ZNF19: variants seen among roughly 807,000 people sequenced by gnomAD.
The protein encoded by ZNF19 is zinc finger protein 19, also known as zinc finger protein 19 (KOX 12).
ZNF19 carries 11 observed loss-of-function variants against 13.1 expected under a neutral mutation model. The observed-to-expected ratio is 0.84, with a 90% confidence interval of 0.53 to 1.39. The LOEUF (loss-of-function observed/expected upper bound fraction) is 1.39. Ranked by LOEUF, ZNF19 falls within the 40% of genes most tolerant of loss-of-function variation. ZNF19 has a pLI of 0.00. For synonymous variants in ZNF19, 186 were observed against 187.0 expected, an observed-to-expected ratio of 0.99 and a Z score of 0.04; for missense variants, 560 against 547.0, an observed-to-expected ratio of 1.02 and a Z score of -0.24.
intron 3 of ZNF19, among the ~76,000 whole-genome samples, chr16:71,479,825 GCT>G (rs2043626574): frequency 6.7e-6 from 1 of 149,844 alleles, no homozygotes; most frequent in South Asian, 2.1e-4. Flanking sequence ...ACAGTGTCTT[GCT>G]CTGTCACCCA....
intron 3 of ZNF19, among the ~76,000 whole-genome samples, chr16:71,480,114 A>G (rs537411367): frequency 6.8e-4 from 103 of 151,824 alleles, no homozygotes; most frequent in Non-Finnish European, 1.1e-3. Flanking sequence ...TTCAACAGAC[A>G]CCCTTCTCCC....
rs1057012416 is a variant in ZNF19 at position 71,474,977 on chromosome 16, G to A, written c.*193C>T. The A allele has an allele frequency of 2.3e-5, 15 of 661,328 alleles. No individual in the cohort carries two copies. The highest frequency in any genetic ancestry group is 3.0e-5 in the Non-Finnish European group (12 of 404,996). 41.0% of individuals were successfully genotyped at this position (661,328 alleles called of 1,614,324 possible). On this transcript the variant is annotated 3_prime_UTR_variant, in exon 6 of 6. Transcript: ENST00000288177. ...CATTAAAACCAATGGGGGTGGGCGGGGGGAGAGTATTTGTTCCTATTAGCT... is the reference window on the plus strand; with the variant it reads ...CATTAAAACCAATGGGGGTGGGCGGAGGGAGAGTATTTGTTCCTATTAGCT...
At chr16:71,485,324 C>T (rs2043669973) in intron 1 of ZNF19, among the ~76,000 whole-genome samples, 1 of 151,992 alleles carries the variant, frequency 6.6e-6, no homozygotes, top group South Asian at 2.1e-4. Context: ...ATGGCGGGCA[C>T]CTGTAATCCC....
chr16:71,476,481 G>A (rs965802514), intron 5 of ZNF19, among the ~76,000 whole-genome samples: 7 of 152,198 alleles, frequency 4.6e-5, no homozygotes, highest in Admixed American at 1.3e-4. Flanking sequence ...CACAACACAC[G>A]AGACTGCTTC....
At chr16:71,480,838 T>C (rs943913055) in intron 3 of ZNF19, among the ~76,000 whole-genome samples, 16 of 152,344 alleles carry the variant, frequency 1.1e-4, no homozygotes, top group African/African-American at 3.6e-4. Context: ...GAGAAGTCCA[T>C]ACTTCAGTGA....
chr16:71,487,197 G>A (rs1427519931), intron 1 of ZNF19: 1 of 152,168 alleles, frequency 6.6e-6, no homozygotes, highest in Non-Finnish European at 1.5e-5. Flanking sequence ...GGAGGAACAT[G>A]GTGGAAGGTG....
intron 1 of ZNF19, among the ~76,000 whole-genome samples, chr16:71,485,929 GT>G (rs2043675237): frequency 6.6e-6 from 1 of 152,118 alleles, no homozygotes; most frequent in African/African-American, 2.4e-5. Context: ...GCAGAATGGT[GT>G]TTTGTTCCCC....
In ZNF19 at chr16:71,475,009, A is replaced by G. The variant is rs1224399935; in HGVS notation, c.*161T>C. 1 of 895,132 alleles carries G rather than the reference A, an allele frequency of 1.1e-6. No individual in the cohort carries two copies. Among genetic ancestry groups the G allele is most frequent in the Middle Eastern group, 3.0e-4 (1 of 3,346 alleles). The allele number at this position is 895,132 out of a possible 1,614,324, so 55.4% of individuals were successfully genotyped here. On this transcript the variant is annotated 3_prime_UTR_variant, in exon 6 of 6. Transcript: ENST00000288177. ...GTATTTGTTCCTATTAGCTCTTGCA[A>G]TCCTGGGACTCTAATTGAACCATCT...
chr16:71,481,624 C>A (rs2043637508), intron 3 of ZNF19, among the ~76,000 whole-genome samples: 1 of 152,186 alleles, frequency 6.6e-6, no homozygotes. Flanking sequence ...TTTCCTGATT[C>A]TGAAGCCCAA....
In ZNF19 at chr16:71,479,443, CAT is replaced by C. The variant is rs374487611; in HGVS notation, c.34-440_34-439del. On this transcript the variant is annotated intron_variant, in intron 3 of 5. Transcript: ENST00000288177. ...TCTCAGCCAATCTATCTGTTCCCCACATGTGTTCACCCTGCCCCAAACCTTAT... is the reference window on the plus strand; with the variant it reads ...TCTCAGCCAATCTATCTGTTCCCCACGTGTTCACCCTGCCCCAAACCTTAT... 3.9e-3 allele frequency among the ~76,000 whole-genome samples: 588 copies of C among 152,316 alleles called. 5 individuals carry two copies. Among genetic ancestry groups the C allele is most frequent in the African/African-American group, 0.013 (560 of 41,562 alleles).
chr16:71,478,330 G>A lies in ZNF19; in HGVS notation c.172C>T (p.Pro58Ser), dbSNP rs2043615133. Residue 58 changes from proline to serine, a missense_variant, in exon 5 of 6, where the codon CCC becomes TCC. Physicochemically the swap from Pro to Ser is moderately conservative, Grantham distance 74. Transcript: ENST00000288177. ...AAAAGTGAGATCAGTGCAGGTTTGGGAACTGGGTACCCTGAAAACAGGAAG... is the reference window on the plus strand; with the variant it reads ...AAAAGTGAGATCAGTGCAGGTTTGGAAACTGGGTACCCTGAAAACAGGAAG... ...GNLTALGYPVPKPALISLLER... is the reference protein window; with the variant it reads ...GNLTALGYPVSKPALISLLER... The A allele has an allele frequency of 6.2e-7, 1 of 1,613,222 alleles. No individual in the cohort carries two copies. The highest frequency in any genetic ancestry group is 8.5e-7 in the Non-Finnish European group (1 of 1,179,482).
chr16:71,485,496 A>C (rs990470408), intron 1 of ZNF19, among the ~76,000 whole-genome samples: 1 of 151,850 alleles, frequency 6.6e-6, no homozygotes, highest in South Asian at 2.1e-4. Context: ...AAAAGAAAGA[A>C]AGACCAGGTC....
chr16:71,474,840 T>C lies in ZNF19; in HGVS notation c.*330A>G, dbSNP rs1029252970. The C allele has an allele frequency of 4.7e-5, 12 of 255,630 alleles. No homozygotes were observed. Among genetic ancestry groups the C allele is most frequent in the Non-Finnish European group, 8.9e-5 (12 of 134,490 alleles). The allele number at this position is 255,630 out of a possible 1,614,324, so 15.8% of individuals were successfully genotyped here. A position where few individuals can be genotyped will look rare whatever the true frequency, so the allele number is the denominator to read the frequency against. ...TATTTTTAGCTTCAGGCATGGTGTA[T>C]GTGGCTGTTCAAACATTATCTTCAG... On this transcript the variant is annotated 3_prime_UTR_variant, in exon 6 of 6. Transcript: ENST00000288177.
chr16:71,482,393 A>C (rs2043643066), intron 2 of ZNF19: 1 of 386,280 alleles, frequency 2.6e-6, no homozygotes, highest in Non-Finnish European at 4.7e-6. Flanking sequence ...AAGCTAAATG[A>C]AGAGCAAAAC....
At chr16:71,482,052 T>C (rs375547720) in intron 3 of ZNF19, 30 bp downstream of exon 3, 48 of 1,613,262 alleles carry the variant, frequency 3.0e-5, no homozygotes, top group Non-Finnish European at 4.0e-5. Flanking sequence ...CAGACCTCCA[T>C]AGAGCTGACC....
chr16:71,482,180 AG>A, intron 2 of ZNF19, 37 bp from the exon 3 acceptor site: 1 of 1,603,224 alleles, frequency 6.2e-7, no homozygotes, highest in Non-Finnish European at 8.5e-7. Flanking sequence ...CAGTGAGCTC[AG>A]CCCAGTAAAA....
chr16:71,478,442 G>C (rs2043615982), intron 4 of ZNF19, 101 bp from the exon 5 acceptor site: 2 of 849,138 alleles, frequency 2.4e-6, no homozygotes, highest in East Asian at 2.6e-5. Flanking sequence ...CACAGAAGAG[G>C]GTTCTCGACT....
At position 71,478,084 on chromosome 16, in the gene ZNF19, G is replaced by A. The variant is rs532718594; in HGVS notation, c.274+144C>T. 6 of 623,790 alleles carry A rather than the reference G, an allele frequency of 9.6e-6. No homozygotes were observed. In the Admixed American group the frequency reaches 1.4e-4, roughly 15 times the overall value. 38.6% of individuals were successfully genotyped at this position (623,790 alleles called of 1,614,324 possible). On this transcript the variant is annotated intron_variant, in intron 5 of 5. Coordinates refer to ENST00000288177, the MANE Select transcript of ZNF19 (RefSeq NM_006961.4). Reference sequence around the variant, plus strand: ...ACTGAGTGATTACATGTTGGTAAGAGTTAAGATTGGTGAGAAACGTTTCAT... The same window carrying A: ...ACTGAGTGATTACATGTTGGTAAGAATTAAGATTGGTGAGAAACGTTTCAT...
Position 71,482,060 on chromosome 16 carries a change from A to C in ZNF19, c.33+22T>G, listed in dbSNP as rs16973237. 2,416 of 1,613,738 alleles carry C rather than the reference A, an allele frequency of 1.5e-3. 26 individuals carry two copies. The African/African-American group carries it at 0.026, about 17-fold the overall frequency. Reference sequence around the variant, plus strand: ...TTCAACTCAGACCTCCATAGAGCTGACCTCAGGGATCCACAGCTCACCTGG... The same window carrying C: ...TTCAACTCAGACCTCCATAGAGCTGCCCTCAGGGATCCACAGCTCACCTGG... On this transcript the variant is annotated intron_variant, in intron 3 of 5. Coordinates refer to ENST00000288177, the MANE Select transcript of ZNF19 (RefSeq NM_006961.4).
Sources: allele counts gnomAD v4.1 joint callset (sites outside exome capture counted in the v4.1 genomes callset), GRCh38; gene constraint gnomAD v4.1.1; transcripts MANE v1.5; gene names NCBI Gene and HGNC (gene_info 2026-07-23, HGNC 2026-07-21).